The following PLXDC2 variants were observed in gnomAD, a reference collection of about 807,000 sequenced individuals.
PLXDC2 encodes the protein plexin domain-containing protein 2.
In PLXDC2, 40 loss-of-function variants were observed where a neutral mutation model predicts 68.9. The ratio of observed to expected loss-of-function variants is 0.58; its 90% confidence interval spans 0.45 to 0.76. The LOEUF is 0.76. PLXDC2 is among the 30% of genes least tolerant of loss of function. The pLI is 0.00. For synonymous variants in PLXDC2, 243 were observed against 234.2 expected (o/e 1.04, Z -0.34); for missense variants, 644 against 661.9 (o/e 0.97, Z 0.30).
chr10:19,961,417 A>T (rs1463345648), intron 1 of PLXDC2, among the ~76,000 whole-genome samples: 2 of 152,220 alleles, frequency 1.3e-5, no homozygotes, highest in Admixed American at 1.3e-4. Context: ...GCATTCTACT[A>T]AGTTTCTGAC....
At chr10:20,173,014 C>G (rs1387363161) in intron 7 of PLXDC2, among the ~76,000 whole-genome samples, 1 of 152,214 alleles carries the variant, frequency 6.6e-6, no homozygotes, top group Non-Finnish European at 1.5e-5. Context: ...ACAACTCCAA[C>G]TAGCTAATTC....
At chr10:19,824,291 C>A (rs1017862866) in intron 1 of PLXDC2, among the ~76,000 whole-genome samples, 3 of 152,162 alleles carry the variant, frequency 2.0e-5, no homozygotes, top group African/African-American at 7.2e-5. Context: ...TGGCCCACCT[C>A]CAACAAGCAT....
At chr10:19,931,980 T>TGTGTGTGTGTGTGTGTGTG (rs1554846171) in intron 1 of PLXDC2, among the ~76,000 whole-genome samples, 1 of 151,630 alleles carries the variant, frequency 6.6e-6, no homozygotes, top group African/African-American at 2.4e-5. Flanking sequence ...TGTGTGTGTG[T>TGTGTGTGTGTGTGTGTGTG]TTAAGCTAAA....
At chr10:20,248,022 T>A (rs1835623581) in intron 13 of PLXDC2, among the ~76,000 whole-genome samples, 1 of 152,174 alleles carries the variant, frequency 6.6e-6, no homozygotes. Flanking sequence ...AGCTGCTGAG[T>A]GACAAGCTAG....
At chr10:19,932,376 C>G (rs966697718) in intron 1 of PLXDC2, among the ~76,000 whole-genome samples, 4 of 152,068 alleles carry the variant, frequency 2.6e-5, no homozygotes, top group Admixed American at 1.3e-4. Flanking sequence ...CCTTTCCTTT[C>G]TATATACCAG....
At chr10:20,242,571 C>CA (rs1835531192) in intron 12 of PLXDC2, among the ~76,000 whole-genome samples, 1 of 152,082 alleles carries the variant, frequency 6.6e-6, no homozygotes, top group African/African-American at 2.4e-5. Flanking sequence ...AACCTATTTC[C>CA]AAAAGCCTTT....
chr10:20,217,376 A>C, intron 10 of PLXDC2, 50 bp from the exon 11 acceptor site: 1 of 1,513,186 alleles, frequency 6.6e-7, no homozygotes, highest in Non-Finnish European at 8.9e-7. Flanking sequence ...AAGTTCTAAA[A>C]ATAGATTTGT....
chr10:19,955,200 A>AT (rs11418538), intron 1 of PLXDC2, among the ~76,000 whole-genome samples: 31,332 of 132,752 alleles, frequency 0.24, 4,324 homozygotes, highest in East Asian at 0.49. Flanking sequence ...TCATTTTTCA[A>AT]TTTTTTTTTT....
At chr10:19,957,849 G>A (rs1834095605) in intron 1 of PLXDC2, among the ~76,000 whole-genome samples, 1 of 152,034 alleles carries the variant, frequency 6.6e-6, no homozygotes, top group Admixed American at 6.6e-5. Flanking sequence ...TACAAATCTA[G>A]TTTTTGCAAT....
At chr10:20,117,798 T>C (rs1833640911) in intron 4 of PLXDC2, among the ~76,000 whole-genome samples, 1 of 152,162 alleles carries the variant, frequency 6.6e-6, no homozygotes, top group Non-Finnish European at 1.5e-5. Context: ...ATTATGTCTG[T>C]GAAAATAAAT....
intron 1 of PLXDC2, among the ~76,000 whole-genome samples, chr10:19,985,014 A>G (rs1834613057): frequency 1.3e-5 from 2 of 152,182 alleles, no homozygotes; most frequent in African/African-American, 4.8e-5. Context: ...TTCTTCTGAA[A>G]TGTTATTTGT....
At chr10:20,083,468 C>A (rs61841804) in intron 4 of PLXDC2, among the ~76,000 whole-genome samples, 40,914 of 137,340 alleles carry the variant, frequency 0.3, 7,430 homozygotes, top group East Asian at 0.63. Flanking sequence ...CAGAGCGAGA[C>A]TCCGTCTCAA....
At chr10:20,126,097 CATCA>C (rs1833770971) in intron 4 of PLXDC2, among the ~76,000 whole-genome samples, 1 of 146,928 alleles carries the variant, frequency 6.8e-6, no homozygotes, top group East Asian at 2.0e-4. Flanking sequence ...CTATATAAAA[CATCA>C]ATATGTATGT....
rs527664882 is a variant in PLXDC2, at chr10:20,282,824, C to A, written c.*3005C>A. On this transcript the variant is annotated 3_prime_UTR_variant, in exon 14 of 14. Coordinates refer to ENST00000377252, the MANE Select transcript of PLXDC2 (RefSeq NM_032812.9). ...CCTAGAAAACTAAAAGTGCAATTGA[C>A]CCCCAATTACTATTTTAGTTTGAGG... 2 of 152,256 alleles carry A rather than the reference C, an allele frequency of 1.3e-5. No individual in the cohort carries two copies. Among genetic ancestry groups the A allele is most frequent in the African/African-American group, 2.4e-5 (1 of 41,550 alleles). 9.4% of individuals were successfully genotyped at this position (152,256 alleles called of 1,614,324 possible).
chr10:20,050,773 T>C (rs181190642), intron 3 of PLXDC2, among the ~76,000 whole-genome samples: 7 of 152,186 alleles, frequency 4.6e-5, no homozygotes, highest in East Asian at 3.9e-4. Context: ...GGAACACTTA[T>C]ACACTGTTGG....
At chr10:20,157,279 G>C (rs1403827840) in intron 6 of PLXDC2, among the ~76,000 whole-genome samples, 1 of 152,172 alleles carries the variant, frequency 6.6e-6, no homozygotes, top group Non-Finnish European at 1.5e-5. Context: ...CCATATTGCA[G>C]ATTAGCAGGG....
At chr10:20,168,947 CATT>C (rs1380104413) in intron 7 of PLXDC2, among the ~76,000 whole-genome samples, 3 of 152,126 alleles carry the variant, frequency 2.0e-5, no homozygotes, top group African/African-American at 7.2e-5. Context: ...AGAAAATTGG[CATT>C]ATGCTGTAAA....
chr10:20,135,476 C>G (rs979493657), intron 4 of PLXDC2, among the ~76,000 whole-genome samples: 4 of 152,128 alleles, frequency 2.6e-5, no homozygotes, highest in African/African-American at 9.7e-5. Flanking sequence ...CTTTGAGGAA[C>G]AAGATGGAGG....
chr10:19,962,520 AGGTG>A (rs1178266576), intron 1 of PLXDC2, among the ~76,000 whole-genome samples: 1 of 147,946 alleles, frequency 6.8e-6, no homozygotes, highest in Non-Finnish European at 1.5e-5. Flanking sequence ...CCTCCCCAGC[AGGTG>A]GGACTACAGG....
Sources: allele counts gnomAD v4.1 joint callset (sites outside exome capture counted in the v4.1 genomes callset), GRCh38; gene constraint gnomAD v4.1.1; transcripts MANE v1.5; gene names NCBI Gene and HGNC (gene_info 2026-07-23, HGNC 2026-07-21).